Variants in PAX3 observed in about 807,000 individuals in gnomAD.
PAX3 encodes paired box protein Pax-3.
In PAX3, 14 loss-of-function variants were observed where a neutral mutation model predicts 51.6. The observed-to-expected ratio is 0.27, with a 90% CI of 0.18 to 0.42. PAX3 has a LOEUF of 0.42. PAX3 is among the 10% of genes least tolerant of loss of function. PAX3 has a pLI of 1.00. For synonymous variants in PAX3, 280 were observed against 253.4 expected (o/e 1.11, Z -1.00); for missense variants, 540 against 642.8 (o/e 0.84, Z 1.73).
rs867756913 is a variant in PAX3, at chr2:222,201,194, C to A, written c.*214G>T. On this transcript the variant is annotated 3_prime_UTR_variant, in exon 9 of 9. Transcript: ENST00000392070. The stretch of plus-strand genomic sequence containing the variant: ...GTCTTTTATTGCTCCAGGTCTTCCT[C>A]TTCTCCACTGCTTTTGTCGAACGTG... 2.5e-6 allele frequency: 4 copies of A among 1,614,074 alleles called. No individual in the cohort carries two copies. The highest frequency in any genetic ancestry group is 3.4e-6 in the Non-Finnish European group (4 of 1,179,992).
intron 4 of PAX3, among the ~76,000 whole-genome samples, chr2:222,260,770 T>C (rs987987767): frequency 2.0e-5 from 3 of 151,896 alleles, no homozygotes; most frequent in East Asian, 3.9e-4. Context: ...TTTCTATTTT[T>C]AGTAGAGACG....
At chr2:222,257,257 C>A (rs955146135) in intron 4 of PAX3, among the ~76,000 whole-genome samples, 1 of 151,472 alleles carries the variant, frequency 6.6e-6, no homozygotes, top group African/African-American at 2.4e-5. Flanking sequence ...CACTCACTTA[C>A]TATTGAAATT....
chr2:222,284,396 C>CA (rs1252680444), intron 4 of PAX3, among the ~76,000 whole-genome samples: 1 of 151,768 alleles, frequency 6.6e-6, no homozygotes, highest in Non-Finnish European at 1.5e-5. Context: ...GTTGGAGTTT[C>CA]AAAAAAAGCC....
At chr2:222,202,218 G>T in intron 7 of PAX3, 28 bp from the exon 8 acceptor site, 1 of 1,485,284 alleles carries the variant, frequency 6.7e-7, no homozygotes, top group Non-Finnish European at 9.3e-7. Context: ...TTGGGAAGAG[G>T]TTAAAATGCA....
chr2:222,277,078 G>A (rs76524009), intron 4 of PAX3, among the ~76,000 whole-genome samples: 13,429 of 152,204 alleles, frequency 0.088, 698 homozygotes, highest in South Asian at 0.15. Flanking sequence ...CCCCACCTCT[G>A]CTGAACAAGG....
intron 4 of PAX3, among the ~76,000 whole-genome samples, chr2:222,260,078 T>C (rs1161463686): frequency 6.6e-6 from 1 of 152,192 alleles, no homozygotes; most frequent in Non-Finnish European, 1.5e-5. Flanking sequence ...TCTAGCTTTG[T>C]TGCCCAGGCT....
At chr2:222,253,239 C>T (rs998559339) in intron 4 of PAX3, among the ~76,000 whole-genome samples, 8 of 152,222 alleles carry the variant, frequency 5.3e-5, no homozygotes, top group Non-Finnish European at 8.8e-5. Context: ...GGAGTACTAA[C>T]ACTCCACAGG....
chr2:222,224,881 G>A (rs1320331644), intron 5 of PAX3, among the ~76,000 whole-genome samples: 1 of 152,156 alleles, frequency 6.6e-6, no homozygotes, highest in Admixed American at 6.5e-5. Flanking sequence ...AGTAGCAACA[G>A]AGGCAAACTG....
chr2:222,271,416 C>A (rs1226579360), intron 4 of PAX3, among the ~76,000 whole-genome samples: 1 of 152,174 alleles, frequency 6.6e-6, no homozygotes, highest in Non-Finnish European at 1.5e-5. Flanking sequence ...ATAACTGTGA[C>A]AAGTTCCATC....
At chr2:222,257,206 ATTT>A (rs11351476) in intron 4 of PAX3, among the ~76,000 whole-genome samples, 1 of 149,180 alleles carries the variant, frequency 6.7e-6, no homozygotes, top group African/African-American at 2.5e-5. Flanking sequence ...ATGGCTCAGC[ATTT>A]TTTTTTTTTG....
intron 7 of PAX3, among the ~76,000 whole-genome samples, chr2:222,207,416 C>A (rs1032071927): frequency 6.6e-6 from 1 of 152,168 alleles, no homozygotes; most frequent in African/African-American, 2.4e-5. Flanking sequence ...CTCACCCATC[C>A]TGAGAGTTAG....
At position 222,280,083 on chromosome 2, in the gene PAX3, C is replaced by T. The variant is rs565123045; in HGVS notation, c.586+14084G>A. Among the ~76,000 whole-genome samples, 23 of 151,954 alleles carry T rather than the reference C, an allele frequency of 1.5e-4. No individual in the cohort carries two copies. The East Asian group carries it at 1.5e-3, about 10-fold the overall frequency. On this transcript the variant is annotated intron_variant, in intron 4 of 8. Coordinates refer to ENST00000392070, the MANE Select transcript of PAX3 (RefSeq NM_181458.4). ...AAAATTAGCCAGACGAGGTGGTGCG[C>T]GCCTGTAATCCCAGCTACTCAGGAG...
At chr2:222,267,895 A>G (rs1172846111) in intron 4 of PAX3, among the ~76,000 whole-genome samples, 2 of 152,202 alleles carry the variant, frequency 1.3e-5, no homozygotes, top group African/African-American at 2.4e-5. Flanking sequence ...TGACTGGCAA[A>G]TTGGAATTTT....
At chr2:222,240,331 C>G (rs191738675) in intron 4 of PAX3, among the ~76,000 whole-genome samples, 2 of 152,094 alleles carry the variant, frequency 1.3e-5, no homozygotes, top group African/African-American at 4.8e-5. Flanking sequence ...AGCTGCGCAG[C>G]CCCAAAGCCC....
At chr2:222,238,008 C>G (rs958211986) in intron 4 of PAX3, among the ~76,000 whole-genome samples, 9 of 152,264 alleles carry the variant, frequency 5.9e-5, no homozygotes, top group Admixed American at 2.0e-4. Flanking sequence ...AGTTCGATCT[C>G]AAGCTAATTT....
At chr2:222,221,584 C>T (rs989514283) in intron 5 of PAX3, 197 bp from the exon 6 acceptor site, 6 of 564,970 alleles carry the variant, frequency 1.1e-5, no homozygotes, top group Non-Finnish European at 9.6e-6. Flanking sequence ...AGTAGAGGGG[C>T]TTCAGGGACC....
chr2:222,275,648 G>C (rs1694393184), intron 4 of PAX3, among the ~76,000 whole-genome samples: 1 of 152,150 alleles, frequency 6.6e-6, no homozygotes, highest in Non-Finnish European at 1.5e-5. Context: ...ATGAAACTTA[G>C]TAAAATCTCC....
intron 4 of PAX3, among the ~76,000 whole-genome samples, chr2:222,273,385 T>A (rs1207108234): frequency 1.3e-5 from 2 of 152,190 alleles, no homozygotes; most frequent in African/African-American, 4.8e-5. Context: ...GGTTCTTTGC[T>A]CTATTAACAC....
At chr2:222,240,849 C>T (rs1047248401) in intron 4 of PAX3, among the ~76,000 whole-genome samples, 5 of 152,156 alleles carry the variant, frequency 3.3e-5, no homozygotes, top group African/African-American at 1.2e-4. Context: ...CAAAAGATTT[C>T]TATTTGCAAT....
Sources: allele counts gnomAD v4.1 joint callset (sites outside exome capture counted in the v4.1 genomes callset), GRCh38; gene constraint gnomAD v4.1.1; transcripts MANE v1.5; gene names NCBI Gene and HGNC (gene_info 2026-07-23, HGNC 2026-07-21).